Variants in TRIO observed in about 807,000 individuals in gnomAD.
TRIO encodes trio Rho guanine nucleotide exchange factor, also known as triple functional domain protein.
In TRIO, 58 loss-of-function variants were observed where a neutral mutation model predicts 351.9. That is an observed-to-expected ratio of 0.16 (90% confidence interval 0.13 to 0.21). TRIO has a LOEUF of 0.21. TRIO is among the 10% of genes least tolerant of loss of function. The probability of loss-of-function intolerance (pLI) is 1.00; values close to 1 mark genes in which losing one functional copy is unlikely to be tolerated. For missense variants in TRIO, 3,201 were observed against 4,027.8 expected, an observed-to-expected ratio of 0.79 and a Z score of 5.56; for synonymous variants, 1,758 against 1,595.7, an observed-to-expected ratio of 1.10 and a Z score of -2.42.
Position 14,183,946 on chromosome 5 carries a change from G to T in TRIO, c.157+40064G>T, listed in dbSNP as rs938173697. On this transcript the variant is annotated intron_variant, in intron 1 of 56. Coordinates refer to ENST00000344204, the MANE Select transcript of TRIO (RefSeq NM_007118.4). ...AAAAAGATTAATAAATTACCCAAGA[G>T]GACATGGCAGAAGGTAAGGATGTGT... The T allele has an allele frequency of 4.3e-6, 3 of 697,922 alleles. No individual in the cohort carries two copies. The Admixed American group carries it at 6.0e-5, about 14-fold the overall frequency. 43.2% of individuals were successfully genotyped at this position (697,922 alleles called of 1,614,324 possible).
In TRIO at chr5:14,150,436, ACACC is replaced by A. The variant is rs950826351; in HGVS notation, c.157+6555_157+6558del. 1.8e-4 allele frequency among the ~76,000 whole-genome samples: 27 copies of A among 152,244 alleles called. No homozygotes were observed. The South Asian group carries it at 1.9e-3, about 11-fold the overall frequency. On this transcript the variant is annotated intron_variant, in intron 1 of 56. Transcript: ENST00000344204. Reference sequence around the variant, plus strand: ...TTACACACATGCACACAACACACACACACCGTTTAACTGTATATGTTATTTTAAA... The same window carrying A: ...TTACACACATGCACACAACACACACAGTTTAACTGTATATGTTATTTTAAA...
At chr5:14,345,188 G>A (rs1334793087) in intron 11 of TRIO, among the ~76,000 whole-genome samples, 1 of 152,142 alleles carries the variant, frequency 6.6e-6, no homozygotes, top group African/African-American at 2.4e-5. Context: ...CTATTTTCAA[G>A]TAGAGAAAAG....
chr5:14,261,012 C>G (rs1476553437), intron 1 of TRIO, among the ~76,000 whole-genome samples: 1 of 152,156 alleles, frequency 6.6e-6, no homozygotes, highest in East Asian at 1.9e-4. Context: ...CTGCACCTAC[C>G]CCCTCCTTAA....
chr5:14,181,966 T>C (rs895622098), intron 1 of TRIO, among the ~76,000 whole-genome samples: 3 of 152,072 alleles, frequency 2.0e-5, no homozygotes, highest in Non-Finnish European at 2.9e-5. Flanking sequence ...GTTTTTAATC[T>C]CCTTCTCCCC....
At chr5:14,435,401 C>G (rs1751501983) in intron 34 of TRIO, among the ~76,000 whole-genome samples, 2 of 152,136 alleles carry the variant, frequency 1.3e-5, no homozygotes, top group South Asian at 4.1e-4. Flanking sequence ...CCCCCTTTCA[C>G]CTCACTGTCT....
chr5:14,403,697 T>C (rs373370909), intron 31 of TRIO, among the ~76,000 whole-genome samples: 14,373 of 48,140 alleles, frequency 0.3, 1,957 homozygotes, highest in Middle Eastern at 0.52. Flanking sequence ...GGTGAGGGTG[T>C]AGGTTGTGGT....
At chr5:14,408,345 A>G (rs1215326642) in intron 33 of TRIO, among the ~76,000 whole-genome samples, 4 of 152,078 alleles carry the variant, frequency 2.6e-5, no homozygotes, top group South Asian at 4.2e-4. Flanking sequence ...TTCTCATTAT[A>G]CTTTTTGGGT....
At chr5:14,310,371 G>A (rs554079029) in intron 8 of TRIO, among the ~76,000 whole-genome samples, 3 of 152,374 alleles carry the variant, frequency 2.0e-5, no homozygotes, top group Non-Finnish European at 2.9e-5. Context: ...CAAGCAAGGC[G>A]AAGTGCCATG....
chr5:14,350,407 AAAT>A (rs1399274437), intron 11 of TRIO, among the ~76,000 whole-genome samples: 2 of 152,198 alleles, frequency 1.3e-5, no homozygotes, highest in African/African-American at 4.8e-5. Flanking sequence ...AATGGAAAGA[AAAT>A]AAAAAAAACC....
intron 10 of TRIO, 55 bp downstream of exon 10, chr5:14,330,955 G>A: frequency 2.5e-6 from 4 of 1,603,980 alleles, no homozygotes; most frequent in Non-Finnish European, 3.4e-6. Flanking sequence ...GGTTGATTTT[G>A]GATTACAGTT....
At chr5:14,360,227 C>A (rs1016712594) in intron 13 of TRIO, among the ~76,000 whole-genome samples, 12 of 152,178 alleles carry the variant, frequency 7.9e-5, no homozygotes, top group Admixed American at 5.9e-4. Context: ...TATATGTGAA[C>A]AGGAGAAAGA....
chr5:14,372,959 AG>A (rs1745247543), intron 18 of TRIO, among the ~76,000 whole-genome samples: 1 of 152,198 alleles, frequency 6.6e-6, no homozygotes, highest in African/African-American at 2.4e-5. Flanking sequence ...TCCATAGGAC[AG>A]GGGAGGCCTC....
chr5:14,320,589 AT>A (rs1283804292), intron 9 of TRIO, among the ~76,000 whole-genome samples: 2 of 152,132 alleles, frequency 1.3e-5, no homozygotes, highest in Non-Finnish European at 2.9e-5. Context: ...CCATTTTTTA[AT>A]TAATATTCTT....
intron 43 of TRIO, 39 bp from the exon 44 acceptor site, chr5:14,481,195 T>G (rs1755485355): frequency 6.3e-7 from 1 of 1,592,542 alleles, no homozygotes; most frequent in African/African-American, 1.4e-5. Context: ...TGCTGTTGTC[T>G]TTGTCACCAT....
intron 38 of TRIO, 27 bp from the exon 39 acceptor site, chr5:14,472,565 A>G (rs1290433871): frequency 2.5e-6 from 4 of 1,613,274 alleles, no homozygotes; most frequent in South Asian, 1.1e-5. Context: ...AACAGTTTGC[A>G]TGATAAACAA....
At chr5:14,465,365 G>T (rs904480909) in intron 36 of TRIO, among the ~76,000 whole-genome samples, 180 bp from the exon 37 acceptor site, 1 of 152,104 alleles carries the variant, frequency 6.6e-6, no homozygotes, top group Non-Finnish European at 1.5e-5. Flanking sequence ...AATGTTTCTT[G>T]TCAGAATATT....
intron 48 of TRIO, chr5:14,489,155 CTCTT>C (rs1461972982): frequency 9.7e-6 from 6 of 619,556 alleles, no homozygotes; most frequent in African/African-American, 3.7e-5. Flanking sequence ...GTCTGTGTCT[CTCTT>C]TATATTAAAA....
chr5:14,450,091 C>T (rs1752741600), intron 34 of TRIO, among the ~76,000 whole-genome samples: 2 of 152,150 alleles, frequency 1.3e-5, no homozygotes, highest in African/African-American at 4.8e-5. Flanking sequence ...AGAAACGACG[C>T]TGAGAATAAG....
intron 8 of TRIO, among the ~76,000 whole-genome samples, chr5:14,313,993 A>G (rs1739156050): frequency 6.6e-6 from 1 of 152,220 alleles, no homozygotes; most frequent in Non-Finnish European, 1.5e-5. Flanking sequence ...AGCAGCTGTC[A>G]GTTTCTGGCA....
Sources: allele counts gnomAD v4.1 joint callset (sites outside exome capture counted in the v4.1 genomes callset), GRCh38; gene constraint gnomAD v4.1.1; transcripts MANE v1.5; gene names NCBI Gene and HGNC (gene_info 2026-07-23, HGNC 2026-07-21).